The following KCNMA1 variants were observed in gnomAD, a reference collection of about 807,000 sequenced individuals.
The protein encoded by KCNMA1 is potassium calcium-activated channel subfamily M alpha 1.
Under a neutral mutation model 140.0 loss-of-function variants are expected in KCNMA1, and 29 were observed. That is an observed-to-expected ratio of 0.21 (90% confidence interval 0.15 to 0.28). KCNMA1 has a LOEUF of 0.28. Among genes scored for constraint, KCNMA1 ranks in the 10% least tolerant of loss-of-function variants. KCNMA1 has a pLI of 1.00. For synonymous variants in KCNMA1, 612 were observed against 611.9 expected (o/e 1.00, Z 0.00); for missense variants, 880 against 1,602.2 (o/e 0.55, Z 7.70).
chr10:77,224,495 C>A (rs1213033906), intron 3 of KCNMA1, among the ~76,000 whole-genome samples: 1 of 152,196 alleles, frequency 6.6e-6, no homozygotes. Context: ...ACAATCCCAG[C>A]TCCCAAAGAC....
At chr10:77,490,011 C>G (rs903249670) in intron 1 of KCNMA1, among the ~76,000 whole-genome samples, 2 of 152,168 alleles carry the variant, frequency 1.3e-5, no homozygotes, top group African/African-American at 4.8e-5. Flanking sequence ...CCAGATTACT[C>G]TTTATTGAGG....
chr10:77,125,916 C>T (rs1203985564), intron 5 of KCNMA1, among the ~76,000 whole-genome samples: 1 of 152,168 alleles, frequency 6.6e-6, no homozygotes, highest in African/African-American at 2.4e-5. Context: ...CCTGCGGGGT[C>T]CCCTGAGAGA....
chr10:77,114,669 G>T (rs951471184), intron 6 of KCNMA1, among the ~76,000 whole-genome samples: 2 of 152,094 alleles, frequency 1.3e-5, no homozygotes, highest in Non-Finnish European at 2.9e-5. Flanking sequence ...CCTTAAAGTC[G>T]TTCCATCCAT....
chr10:77,105,717 C>T (rs922607452), intron 9 of KCNMA1, among the ~76,000 whole-genome samples: 1 of 152,156 alleles, frequency 6.6e-6, no homozygotes, highest in Non-Finnish European at 1.5e-5. Context: ...TATCTTTCAA[C>T]AAAGTTTAGC....
intron 12 of KCNMA1, among the ~76,000 whole-genome samples, chr10:77,081,994 CTTTTTTTCTTTTCTTTTTTTTTT>C (rs746865011): frequency 0.3 from 20,063 of 67,970 alleles, 2,118 homozygotes; most frequent in Middle Eastern, 0.38. Flanking sequence ...CCAGTAATTT[CTTTTTTTCTTTTCTTTTTTTTTT>C]TTTTTTTTTT....
chr10:77,320,494 C>G (rs899611609), intron 2 of KCNMA1, among the ~76,000 whole-genome samples: 1 of 152,128 alleles, frequency 6.6e-6, no homozygotes, highest in Non-Finnish European at 1.5e-5. Flanking sequence ...TTCTGTGGCT[C>G]TCGGTGCTCT....
chr10:77,488,419 A>C (rs575891062), intron 1 of KCNMA1, among the ~76,000 whole-genome samples: 1 of 152,308 alleles, frequency 6.6e-6, no homozygotes, highest in African/African-American at 2.4e-5. Context: ...CCGGACCCTG[A>C]GCACTGACTG....
At chr10:77,381,890 T>A (rs969876952) in intron 2 of KCNMA1, among the ~76,000 whole-genome samples, 5 of 152,210 alleles carry the variant, frequency 3.3e-5, no homozygotes, top group Non-Finnish European at 7.3e-5. Flanking sequence ...CGGCTTCCAA[T>A]GCCACTTATC....
intron 23 of KCNMA1, chr10:76,930,266 A>AT (rs2058933831): frequency 6.6e-6 from 1 of 152,214 alleles, no homozygotes. Flanking sequence ...TAAAGAACTC[A>AT]TATACTCAGT....
At chr10:77,014,963 C>T (rs911514167) in intron 17 of KCNMA1, among the ~76,000 whole-genome samples, 1 of 152,218 alleles carries the variant, frequency 6.6e-6, no homozygotes, top group Non-Finnish European at 1.5e-5. Context: ...TCACTTTAAA[C>T]CCACAACCAT....
chr10:77,415,702 G>A (rs994237260), intron 1 of KCNMA1, among the ~76,000 whole-genome samples: 1 of 152,204 alleles, frequency 6.6e-6, no homozygotes, highest in Non-Finnish European at 1.5e-5. Context: ...AGCCCCCAAG[G>A]AGCCTCACTC....
At chr10:77,069,051 A>G (rs949913589) in intron 14 of KCNMA1, among the ~76,000 whole-genome samples, 3 of 152,116 alleles carry the variant, frequency 2.0e-5, no homozygotes, top group Admixed American at 6.5e-5. Flanking sequence ...AAACAAATCA[A>G]TGGATCTTAA....
In KCNMA1 at chr10:77,619,425, A is replaced by G. The variant is rs556399572; in HGVS notation, c.378+17840T>C. Among the ~76,000 whole-genome samples, 4 of 152,152 alleles carry G rather than the reference A, an allele frequency of 2.6e-5. No homozygotes were observed. The East Asian group carries it at 7.7e-4, about 29-fold the overall frequency. ...AACTTCCCTAAGAAGTAGCATTCCC[A>G]GATAACAAATGAACTGCCAGGGTTC... On this transcript the variant is annotated intron_variant, in intron 1 of 27. Coordinates refer to ENST00000286628, the MANE Select transcript of KCNMA1 (RefSeq NM_001161352.2).
intron 2 of KCNMA1, among the ~76,000 whole-genome samples, chr10:77,393,413 A>C (rs1455800733): frequency 2.0e-5 from 3 of 152,254 alleles, no homozygotes; most frequent in Non-Finnish European, 2.9e-5. Flanking sequence ...AACCATGCTT[A>C]TCAAGCACTA....
At chr10:77,246,334 T>C (rs918493920) in intron 3 of KCNMA1, among the ~76,000 whole-genome samples, 7 of 152,316 alleles carry the variant, frequency 4.6e-5, no homozygotes, top group African/African-American at 1.7e-4. Context: ...AAGAAGTTGT[T>C]AGGGGAATTC....
At position 77,084,642 on chromosome 10, in the gene KCNMA1, G is replaced by A; in HGVS notation, c.1518C>T (p.Ile506=). The A allele has an allele frequency of 6.2e-7, 1 of 1,613,652 alleles. No homozygotes were observed. Among genetic ancestry groups the A allele is most frequent in the Non-Finnish European group, 8.5e-7 (1 of 1,179,534 alleles). Residue 506 remains isoleucine (I), a synonymous_variant, in exon 12 of 28, where the codon ATC becomes ATT. Coordinates refer to ENST00000286628, the MANE Select transcript of KCNMA1 (RefSeq NM_001161352.2). The part of the protein sequence containing the change: ...ADPDAEDASN[I]MRVISIKNYH... ...CGCAGCGCCCCAAGAGTTACCTCAT[G>A]ATATTCGAGGCATCCTCCGCATCCG... is the stretch of plus-strand genomic sequence containing the variant.
chr10:77,544,333 C>T (rs1173994165), intron 1 of KCNMA1, among the ~76,000 whole-genome samples: 1 of 151,980 alleles, frequency 6.6e-6, no homozygotes, highest in African/African-American at 2.4e-5. Flanking sequence ...GGAAAAAATT[C>T]CCAAGTGGTT....
intron 15 of KCNMA1, among the ~76,000 whole-genome samples, chr10:77,034,109 TGG>T (rs2094148727): frequency 6.6e-6 from 1 of 151,968 alleles, no homozygotes; most frequent in South Asian, 2.1e-4. Context: ...CCGGTTGTGG[TGG>T]CACACGTCTC....
intron 2 of KCNMA1, among the ~76,000 whole-genome samples, chr10:77,328,037 T>A (rs944868954): frequency 6.6e-6 from 1 of 152,190 alleles, no homozygotes; most frequent in Non-Finnish European, 1.5e-5. Flanking sequence ...GACCTCAAGG[T>A]AAAGTGGGAC....
Sources: gnomAD v4.1 joint callset for allele counts (sites outside exome capture counted in the v4.1 genomes callset) on GRCh38, gnomAD v4.1.1 for gene constraint, MANE v1.5 for transcripts, NCBI Gene and HGNC (gene_info 2026-07-23, HGNC 2026-07-21) for gene names.